The following SAMD12 variants were observed in gnomAD, a reference collection of about 807,000 sequenced individuals.
The protein encoded by SAMD12 is sterile alpha motif domain-containing protein 12.
In SAMD12, 9 loss-of-function variants were observed where a neutral mutation model predicts 15.0. The observed-to-expected ratio is 0.60, with a 90% CI of 0.36 to 1.05. The LOEUF (loss-of-function observed/expected upper bound fraction) is 1.05. Ranked by LOEUF, SAMD12 falls within the 50% of genes least tolerant of loss-of-function variation. The probability of loss-of-function intolerance (pLI) is 0.01; values close to 1 mark genes in which losing one functional copy is unlikely to be tolerated. For missense variants in SAMD12, 230 were observed against 234.2 expected (o/e 0.98, Z 0.12); for synonymous variants, 86 against 90.1 (o/e 0.96, Z 0.25).
chr8:118,253,623 A>G (rs1812867709), intron 4 of SAMD12, among the ~76,000 whole-genome samples: 1 of 152,136 alleles, frequency 6.6e-6, no homozygotes, highest in Non-Finnish European at 1.5e-5. Context: ...TGCTGCTAAG[A>G]TGAGGGCATG....
chr8:118,230,161 G>A (rs904994794), intron 4 of SAMD12, among the ~76,000 whole-genome samples: 9 of 152,106 alleles, frequency 5.9e-5, no homozygotes, highest in African/African-American at 1.7e-4. Flanking sequence ...ATGAGGGCTT[G>A]CTGTGGGCCA....
Position 118,501,836 on chromosome 8 carries a change from G to A in SAMD12, c.193-61875C>T, listed in dbSNP as rs1824790193. Among the ~76,000 whole-genome samples the A allele has an allele frequency of 2.0e-5, 3 of 152,114 alleles. No individual in the cohort carries two copies. The South Asian group carries it at 6.2e-4, about 31-fold the overall frequency. ...TCGAGACCATCCTGGCTAACACGGT[G>A]AAACCCTGTCTCTACTAAAAATACA... On this transcript the variant is annotated intron_variant, in intron 2 of 3. Coordinates refer to ENST00000314727, the MANE Select transcript of SAMD12 (RefSeq NM_207506.3).
intron 2 of SAMD12, among the ~76,000 whole-genome samples, chr8:118,545,421 C>T (rs760381146): frequency 6.6e-6 from 1 of 152,064 alleles, no homozygotes; most frequent in African/African-American, 2.4e-5. Context: ...GAACCAAGAT[C>T]GTGCCATTAC....
At chr8:118,275,907 C>T (rs1046231641) in intron 4 of SAMD12, among the ~76,000 whole-genome samples, 1 of 152,154 alleles carries the variant, frequency 6.6e-6, no homozygotes, top group African/African-American at 2.4e-5. Flanking sequence ...TTAATGGATG[C>T]AAAGTATTCC....
intron 4 of SAMD12, among the ~76,000 whole-genome samples, chr8:118,365,902 T>C (rs1818741954): frequency 6.6e-6 from 1 of 152,004 alleles, no homozygotes; most frequent in African/African-American, 2.4e-5. Context: ...GCCAGAGAAG[T>C]CCCTCTGCTT....
chr8:118,472,519 G>GA (rs1190086237), intron 2 of SAMD12, among the ~76,000 whole-genome samples: 1 of 151,514 alleles, frequency 6.6e-6, no homozygotes. Context: ...TCTCTAAAAA[G>GA]AAAAAAATAG....
intron 2 of SAMD12, among the ~76,000 whole-genome samples, chr8:118,452,225 A>T (rs140847995): frequency 1.1e-4 from 17 of 152,228 alleles, no homozygotes; most frequent in Non-Finnish European, 2.1e-4. Flanking sequence ...TGTTTAAGGC[A>T]CCCAGTATGT....
chr8:118,194,356 TACGCCACTACCCGCAAAGAA>T (rs1290191293), exon 5 of SAMD12: 1 of 152,122 alleles, frequency 6.6e-6, no homozygotes, highest in East Asian at 1.9e-4. Context: ...GATTTGAAGG[TACGCCACTACCCGCAAAGAA>T]AGTTGATAGG....
chr8:118,518,982 G>T (rs1825319091), intron 2 of SAMD12, among the ~76,000 whole-genome samples: 1 of 152,180 alleles, frequency 6.6e-6, no homozygotes, highest in Non-Finnish European at 1.5e-5. Context: ...TGGTAGCTTT[G>T]CATGATAGGG....
At chr8:118,534,308 A>T (rs979597621) in intron 2 of SAMD12, among the ~76,000 whole-genome samples, 16 of 152,120 alleles carry the variant, frequency 1.1e-4, no homozygotes, top group African/African-American at 3.9e-4. Context: ...CTGCAGAGAG[A>T]TCCGCTGTTA....
chr8:118,339,448 T>G (rs10216911), intron 4 of SAMD12, among the ~76,000 whole-genome samples: 16,039 of 152,186 alleles, frequency 0.11, 1,541 homozygotes, highest in African/African-American at 0.24. Context: ...TGCATGGGGA[T>G]GGTAGGTGGA....
chr8:118,440,194 T>G (rs1195201989), intron 2 of SAMD12, among the ~76,000 whole-genome samples: 1 of 151,944 alleles, frequency 6.6e-6, no homozygotes, highest in African/African-American at 2.4e-5. Context: ...TAAGAAAAAA[T>G]CCCAAGGAAT....
At chr8:118,368,148 C>T (rs1292300544) in intron 4 of SAMD12, among the ~76,000 whole-genome samples, 2 of 152,050 alleles carry the variant, frequency 1.3e-5, no homozygotes, top group South Asian at 4.2e-4. Context: ...TATTCCTGGC[C>T]ACAACATTTC....
At chr8:118,169,635 A>G in the SAMD12 span, among the ~76,000 whole-genome samples, 5 of 152,210 alleles carry the variant, frequency 3.3e-5, no homozygotes, top group Non-Finnish European at 7.3e-5. Context: ...GCAGAAATCC[A>G]CTGACCCCAA....
At chr8:118,526,145 A>G (rs781323597) in intron 2 of SAMD12, among the ~76,000 whole-genome samples, 3 of 152,236 alleles carry the variant, frequency 2.0e-5, no homozygotes, top group African/African-American at 7.2e-5. Flanking sequence ...GCTTATTAGC[A>G]TCCTGCTGTT....
chr8:118,207,639 A>G (rs1819898744), intron 4 of SAMD12, among the ~76,000 whole-genome samples: 1 of 152,220 alleles, frequency 6.6e-6, no homozygotes, highest in African/African-American at 2.4e-5. Context: ...TTAGTCACAG[A>G]GCACAGAGCC....
intron 3 of SAMD12, among the ~76,000 whole-genome samples, chr8:118,431,687 C>CT (rs201201330): frequency 6.8e-6 from 1 of 147,376 alleles, no homozygotes; most frequent in Non-Finnish European, 1.5e-5. Flanking sequence ...TTACCTTTGT[C>CT]GTGTGTGTGT....
intron 3 of SAMD12, among the ~76,000 whole-genome samples, chr8:118,418,451 C>T (rs1438654972): frequency 6.6e-6 from 1 of 152,218 alleles, no homozygotes; most frequent in African/African-American, 2.4e-5. Context: ...CGCCATGGCT[C>T]ACGCCTGTAA....
At chr8:118,431,687 CGT>C (rs56898456) in intron 3 of SAMD12, among the ~76,000 whole-genome samples, 22,556 of 147,204 alleles carry the variant, frequency 0.15, 2,142 homozygotes, top group African/African-American at 0.27. Flanking sequence ...TTACCTTTGT[CGT>C]GTGTGTGTGT....
Sources: gnomAD v4.1 joint callset for allele counts (sites outside exome capture counted in the v4.1 genomes callset) on GRCh38, gnomAD v4.1.1 for gene constraint, MANE v1.5 for transcripts, NCBI Gene and HGNC (gene_info 2026-07-23, HGNC 2026-07-21) for gene names.